The following PPP2R2B variants were observed in gnomAD, a reference collection of about 807,000 sequenced individuals.
The protein encoded by PPP2R2B is protein phosphatase 2 regulatory subunit Bbeta.
Under a neutral mutation model 46.0 loss-of-function variants are expected in PPP2R2B, and 5 were observed. The ratio of observed to expected loss-of-function variants is 0.11; its 90% CI spans 0.06 to 0.23. The LOEUF (loss-of-function observed/expected upper bound fraction) is 0.23, where lower values mean the gene tolerates loss of function less well. Among genes scored for constraint, PPP2R2B ranks in the 10% least tolerant of loss-of-function variants. The pLI, the probability that PPP2R2B is intolerant of heterozygous loss-of-function variation, is 1.00. For missense variants in PPP2R2B, 367 were observed against 575.0 expected (o/e 0.64, Z 3.70); for synonymous variants, 215 against 206.7 (o/e 1.04, Z -0.34).
intron 2 of PPP2R2B, among the ~76,000 whole-genome samples, chr5:146,824,502 T>C (rs1490358368): frequency 2.0e-5 from 3 of 152,168 alleles, no homozygotes; most frequent in African/African-American, 7.2e-5. Flanking sequence ...ATTTGGTTCT[T>C]ATCATCACAG....
intron 1 of PPP2R2B, among the ~76,000 whole-genome samples, chr5:146,897,651 C>A (rs546132139): frequency 9.8e-4 from 149 of 151,908 alleles, no homozygotes; most frequent in Non-Finnish European, 1.9e-3. Flanking sequence ...ACAAGATAAA[C>A]AAATATAAAA....
At chr5:147,000,876 G>A (rs1362768403) in intron 1 of PPP2R2B, among the ~76,000 whole-genome samples, 1 of 151,952 alleles carries the variant, frequency 6.6e-6, no homozygotes, top group Non-Finnish European at 1.5e-5. Flanking sequence ...ACGCCTAAGG[G>A]GAATCTTTAT....
chr5:146,772,997 A>T (rs1325588698), intron 2 of PPP2R2B, among the ~76,000 whole-genome samples: 1 of 152,232 alleles, frequency 6.6e-6, no homozygotes, highest in Non-Finnish European at 1.5e-5. Context: ...CTCAATAAAC[A>T]TCACAAATGA....
chr5:146,653,793 C>G (rs1179077767), intron 5 of PPP2R2B, among the ~76,000 whole-genome samples: 1 of 152,160 alleles, frequency 6.6e-6, no homozygotes, highest in Non-Finnish European at 1.5e-5. Flanking sequence ...TGGGGAAGGG[C>G]TCCGTGTAGG....
intron 2 of PPP2R2B, among the ~76,000 whole-genome samples, chr5:146,744,072 C>T (rs935839461): frequency 1.4e-4 from 21 of 152,272 alleles, no homozygotes; most frequent in African/African-American, 3.4e-4. Flanking sequence ...TTTAACTATA[C>T]GTAGTATACA....
At chr5:146,725,663 AC>A (rs1751821728) in intron 2 of PPP2R2B, among the ~76,000 whole-genome samples, 1 of 152,196 alleles carries the variant, frequency 6.6e-6, no homozygotes, top group Non-Finnish European at 1.5e-5. Flanking sequence ...TATGGCACTT[AC>A]TTTATATTTT....
At chr5:146,667,852 C>A (rs1777103070) in intron 5 of PPP2R2B, among the ~76,000 whole-genome samples, 1 of 152,078 alleles carries the variant, frequency 6.6e-6, no homozygotes, top group African/African-American at 2.4e-5. Flanking sequence ...CACTCCAGCC[C>A]AGATTTTATA....
intron 2 of PPP2R2B, among the ~76,000 whole-genome samples, chr5:146,801,115 G>GCTAT (rs1756840076): frequency 6.6e-6 from 1 of 151,842 alleles, no homozygotes; most frequent in South Asian, 2.1e-4. Flanking sequence ...CTTATATGTG[G>GCTAT]AATCTAAAAT....
At chr5:146,912,302 C>T (rs58881378) in intron 1 of PPP2R2B, among the ~76,000 whole-genome samples, 4,595 of 150,186 alleles carry the variant, frequency 0.031, 217 homozygotes, top group African/African-American at 0.09. Context: ...AGAGAGTGAC[C>T]TTATCATCTG....
At chr5:147,060,444 G>T (rs534424421), upstream of PPP2R2B, among the ~76,000 whole-genome samples, 6 of 152,072 alleles carry the variant, frequency 3.9e-5, no homozygotes, top group Admixed American at 2.0e-4. Context: ...CTGGGCAATA[G>T]GGTGAATACC....
intron 2 of PPP2R2B, among the ~76,000 whole-genome samples, chr5:146,797,247 T>C (rs1225212621): frequency 6.6e-6 from 1 of 152,238 alleles, no homozygotes; most frequent in Non-Finnish European, 1.5e-5. Flanking sequence ...CTGTGGATTC[T>C]TGTCATCACA....
At chr5:146,727,707 C>T (rs1024702835) in intron 2 of PPP2R2B, among the ~76,000 whole-genome samples, 1 of 151,872 alleles carries the variant, frequency 6.6e-6, no homozygotes, top group Non-Finnish European at 1.5e-5. Context: ...AACAAAATAC[C>T]CAAAATCTAT....
chr5:146,735,178 G>T (rs1446688120), intron 2 of PPP2R2B, among the ~76,000 whole-genome samples: 1 of 152,150 alleles, frequency 6.6e-6, no homozygotes, highest in Non-Finnish European at 1.5e-5. Context: ...AATAAATTGG[G>T]TAGCACAATA....
chr5:146,788,971 A>G (rs1220262199), intron 2 of PPP2R2B, among the ~76,000 whole-genome samples: 2 of 152,192 alleles, frequency 1.3e-5, no homozygotes, highest in Non-Finnish European at 2.9e-5. Flanking sequence ...TATTTGTTGA[A>G]TAAATGAATA....
At position 146,589,094 on chromosome 5, in the gene PPP2R2B, C is replaced by CAA. The variant is rs1581651006; in HGVS notation, c.*852_*853insTT. 6.6e-6 allele frequency: 1 copy of CAA among 151,984 alleles called. No individual in the cohort carries two copies. 9.4% of individuals were successfully genotyped at this position (151,984 alleles called of 1,614,324 possible). ...TTTAGAAGTCAATGGAATAAATAAG[C>CAA]TGGAAAAGGTTGAAGAGAAAAAAGC... On this transcript the variant is annotated 3_prime_UTR_variant, in exon 10 of 10. Coordinates refer to ENST00000394411, the MANE Select transcript of PPP2R2B (RefSeq NM_181675.4).
At chr5:146,701,588 C>G (rs925581553) in intron 2 of PPP2R2B, among the ~76,000 whole-genome samples, 1 of 152,112 alleles carries the variant, frequency 6.6e-6, no homozygotes, top group Non-Finnish European at 1.5e-5. Context: ...ATGCTTGAAG[C>G]TTAGACATGG....
At chr5:146,681,077 C>T (rs934492961) in intron 5 of PPP2R2B, among the ~76,000 whole-genome samples, 3 of 152,130 alleles carry the variant, frequency 2.0e-5, no homozygotes, top group African/African-American at 7.2e-5. Flanking sequence ...ATGCATCAGT[C>T]GAAGCCCGGC....
chr5:146,881,066 G>A (rs182444121), upstream of PPP2R2B, among the ~76,000 whole-genome samples: 172 of 151,792 alleles, frequency 1.1e-3, 1 homozygote, highest in East Asian at 0.02. Flanking sequence ...GGGGGGCGGG[G>A]TGGGGGAGAG....
intron 2 of PPP2R2B, chr5:146,706,985 G>A: frequency 5.1e-6 from 5 of 983,596 alleles, no homozygotes; most frequent in Non-Finnish European, 8.1e-6. Flanking sequence ...CAAGACTCCA[G>A]CTCTACCTCG....
Sources: gnomAD v4.1 joint callset for allele counts (sites outside exome capture counted in the v4.1 genomes callset) on GRCh38, gnomAD v4.1.1 for gene constraint, MANE v1.5 for transcripts, NCBI Gene and HGNC (gene_info 2026-07-23, HGNC 2026-07-21) for gene names.